Variants in TBCA observed in about 807,000 individuals in gnomAD.
TBCA encodes the protein tubulin folding cofactor A, also known as tubulin-specific chaperone A.
In TBCA, 6 loss-of-function variants were observed where a neutral mutation model predicts 15.8. The ratio of observed to expected loss-of-function variants is 0.38; its 90% CI spans 0.21 to 0.75. The LOEUF is 0.75. Among genes scored for constraint, TBCA ranks in the 30% least tolerant of loss-of-function variants. The probability of loss-of-function intolerance (pLI) is 0.46; values close to 1 mark genes in which losing one functional copy is unlikely to be tolerated. For synonymous variants in TBCA, 32 were observed against 42.3 expected (o/e 0.76, Z 0.94); for missense variants, 90 against 131.2 (o/e 0.69, Z 1.53).
chr5:77,717,092 G>A (rs1380266620), intron 1 of TBCA, among the ~76,000 whole-genome samples: 1 of 152,202 alleles, frequency 6.6e-6, no homozygotes, highest in East Asian at 1.9e-4. Flanking sequence ...AGGAAATCCT[G>A]CCTAAAAAGA....
At chr5:77,773,861 G>GT (rs1561288027) in intron 1 of TBCA, among the ~76,000 whole-genome samples, 1 of 152,188 alleles carries the variant, frequency 6.6e-6, no homozygotes, top group African/African-American at 2.4e-5. Context: ...TCAGAAGGCT[G>GT]TTTATCTTTT....
At chr5:77,744,808 T>C (rs896206656) in intron 1 of TBCA, among the ~76,000 whole-genome samples, 1 of 152,144 alleles carries the variant, frequency 6.6e-6, no homozygotes, top group Non-Finnish European at 1.5e-5. Context: ...AGTGCTGAGA[T>C]TACAGGCGTG....
chr5:77,731,573 T>C (rs1746770232), intron 1 of TBCA, among the ~76,000 whole-genome samples: 1 of 152,224 alleles, frequency 6.6e-6, no homozygotes, highest in Non-Finnish European at 1.5e-5. Context: ...TATGTTGCAG[T>C]GTTCATCTCT....
intron 1 of TBCA, among the ~76,000 whole-genome samples, chr5:77,773,489 G>T (rs1747956654): frequency 2.0e-5 from 3 of 152,212 alleles, no homozygotes; most frequent in Admixed American, 6.5e-5. Context: ...ACAACTGCTT[G>T]AGTTGGGTGC....
chr5:77,758,366 G>C (rs1747526029), intron 1 of TBCA, among the ~76,000 whole-genome samples: 1 of 152,114 alleles, frequency 6.6e-6, no homozygotes, highest in Admixed American at 6.5e-5. Context: ...TTGTAAAGAA[G>C]AACATTTTGA....
chr5:77,691,544 C>T, intron 3 of TBCA, 46 bp from the exon 4 acceptor site: 1 of 1,507,902 alleles, frequency 6.6e-7, no homozygotes, highest in Non-Finnish European at 8.9e-7. Flanking sequence ...TTTCAAGTTT[C>T]AGTACTTTGT....
chr5:77,715,400 C>A (rs1174537091), intron 1 of TBCA: 2 of 627,440 alleles, frequency 3.2e-6, no homozygotes, highest in East Asian at 2.7e-5. Context: ...TTAGTGTGAG[C>A]TCTTATGAAA....
At chr5:77,740,336 A>T (rs1172488938) in intron 1 of TBCA, among the ~76,000 whole-genome samples, 1 of 152,214 alleles carries the variant, frequency 6.6e-6, no homozygotes, top group Non-Finnish European at 1.5e-5. Context: ...AACATGGATA[A>T]TGTAATAGAG....
At chr5:77,717,227 A>C (rs1184646073) in intron 1 of TBCA, among the ~76,000 whole-genome samples, 2 of 152,242 alleles carry the variant, frequency 1.3e-5, no homozygotes, top group Non-Finnish European at 2.9e-5. Context: ...CCTTATAGTT[A>C]AGCCACATAC....
At position 77,738,402 on chromosome 5, in the gene TBCA, C is replaced by A. The variant is rs1746958567; in HGVS notation, c.54-30055G>T. On this transcript the variant is annotated intron_variant, in intron 1 of 3. Coordinates refer to ENST00000380377, the MANE Select transcript of TBCA (RefSeq NM_004607.3). ...TACTTGCCCCCTGACCCTCAGTTTC[C>A]CCATGTAAAATAGGAAGACTAATAT... is the stretch of plus-strand genomic sequence containing the variant. Among the ~76,000 whole-genome samples the A allele has an allele frequency of 3.9e-5, 6 of 152,108 alleles. No individual in the cohort carries two copies. The South Asian group carries it at 1.2e-3, about 32-fold the overall frequency.
At chr5:77,693,783 G>C (rs1300597065) in intron 2 of TBCA, among the ~76,000 whole-genome samples, 2 of 102,516 alleles carry the variant, frequency 2.0e-5, no homozygotes, top group Non-Finnish European at 3.8e-5. Flanking sequence ...TGGGCAACAA[G>C]AGTGAAACTC....
At chr5:77,764,426 A>C (rs13167248) in intron 1 of TBCA, among the ~76,000 whole-genome samples, 16,241 of 152,244 alleles carry the variant, frequency 0.11, 929 homozygotes, top group Middle Eastern at 0.13. Flanking sequence ...AGATTAATTC[A>C]GTTCTACACA....
At chr5:77,759,806 A>G (rs973486393) in intron 1 of TBCA, among the ~76,000 whole-genome samples, 46 of 152,206 alleles carry the variant, frequency 3.0e-4, no homozygotes, top group African/African-American at 1.1e-3. Context: ...TACTATGTAT[A>G]CTTTGTATAA....
chr5:77,695,347 C>A (rs186087274), intron 2 of TBCA, among the ~76,000 whole-genome samples: 22 of 152,248 alleles, frequency 1.4e-4, no homozygotes, highest in African/African-American at 5.1e-4. Flanking sequence ...GTTTACTATA[C>A]GTCTTCAGGA....
chr5:77,719,815 GGTCCTGAGAT>G (rs1746487639), intron 1 of TBCA, among the ~76,000 whole-genome samples: 1 of 151,978 alleles, frequency 6.6e-6, no homozygotes, highest in Non-Finnish European at 1.5e-5. Flanking sequence ...GTCCCTCAAA[GGTCCTGAGAT>G]GTCAGTGAGA....
chr5:77,743,478 T>C (rs545543800), intron 1 of TBCA, among the ~76,000 whole-genome samples: 1 of 152,340 alleles, frequency 6.6e-6, no homozygotes, highest in East Asian at 1.9e-4. Flanking sequence ...TGAGTGCAGA[T>C]ACGAGTGGGG....
intron 1 of TBCA, among the ~76,000 whole-genome samples, chr5:77,732,550 CAAAAAAAAAA>C (rs35780694): frequency 1.2e-4 from 11 of 89,508 alleles, no homozygotes; most frequent in Admixed American, 3.6e-4. Context: ...GACTCTGTCT[CAAAAAAAAAA>C]AAAAAAAAAA....
chr5:77,724,033 T>C (rs1227988547), intron 1 of TBCA, among the ~76,000 whole-genome samples: 5 of 152,078 alleles, frequency 3.3e-5, no homozygotes, highest in African/African-American at 1.2e-4. Context: ...GTAATAAATT[T>C]ACAAAGGTAC....
At chr5:77,691,732 T>C (rs921059921) in intron 3 of TBCA, 1 of 1,179,876 alleles carries the variant, frequency 8.5e-7, no homozygotes, top group Non-Finnish European at 1.0e-6. Context: ...TCTCATAAAA[T>C]AAGTGAATAA....
Sources: allele counts gnomAD v4.1 joint callset (sites outside exome capture counted in the v4.1 genomes callset), GRCh38; gene constraint gnomAD v4.1.1; transcripts MANE v1.5; gene names NCBI Gene and HGNC (gene_info 2026-07-23, HGNC 2026-07-21).